The following RPH3A variants were observed in gnomAD, a reference collection of about 807,000 sequenced individuals.
The protein encoded by RPH3A is rabphilin-3A.
In RPH3A, 48 loss-of-function variants were observed where a neutral mutation model predicts 102.2. That is an observed-to-expected ratio of 0.47 (90% CI 0.37 to 0.60). The LOEUF is 0.60. Among genes scored for constraint, RPH3A ranks in the 20% least tolerant of loss-of-function variants. The probability of loss-of-function intolerance (pLI) is 0.00; values close to 1 mark genes in which losing one functional copy is unlikely to be tolerated. For missense variants in RPH3A, 781 were observed against 910.1 expected, an observed-to-expected ratio of 0.86 and a Z score of 1.83; for synonymous variants, 310 against 324.3, an observed-to-expected ratio of 0.96 and a Z score of 0.47.
intron 1 of RPH3A, among the ~76,000 whole-genome samples, chr12:112,674,807 C>T (rs985473141): frequency 1.3e-5 from 2 of 152,178 alleles, no homozygotes; most frequent in African/African-American, 2.4e-5. Flanking sequence ...GCAGGATAAT[C>T]CCTTATCTGA....
At chr12:112,823,243 C>T (rs1247970207) in intron 2 of RPH3A, among the ~76,000 whole-genome samples, 3 of 152,194 alleles carry the variant, frequency 2.0e-5, no homozygotes, top group East Asian at 1.9e-4. Flanking sequence ...GGGCAATGAA[C>T]GGGTGTGAAC....
intron 1 of RPH3A, among the ~76,000 whole-genome samples, chr12:112,678,331 AGG>A (rs2040201957): frequency 3.1e-5 from 3 of 96,802 alleles, no homozygotes; most frequent in African/African-American, 7.5e-5. Context: ...GAAAGAAAGA[AGG>A]AAGGAAGGAA....
At chr12:112,637,847 G>C (rs950774568) in intron 1 of RPH3A, among the ~76,000 whole-genome samples, 7 of 151,870 alleles carry the variant, frequency 4.6e-5, no homozygotes, top group Non-Finnish European at 1.0e-4. Flanking sequence ...AGCCCCACCT[G>C]GTTCTTTTAC....
chr12:112,789,928 G>T (rs2041079227), upstream of RPH3A, among the ~76,000 whole-genome samples: 1 of 151,254 alleles, frequency 6.6e-6, no homozygotes, highest in Admixed American at 6.6e-5. Context: ...GTATATTCGT[G>T]TGCACCTTGA....
chr12:112,691,975 G>A lies in RPH3A; in HGVS notation c.-139-100168G>A, dbSNP rs144932092. Among the ~76,000 whole-genome samples, 713 of 152,282 alleles carry A rather than the reference G, an allele frequency of 4.7e-3. 7 individuals are homozygous for A. The highest frequency in any genetic ancestry group is 0.016 in the African/African-American group (671 of 41,542). The stretch of plus-strand genomic sequence containing the variant: ...TTAAAAAATGTGTTATATATACACC[G>A]TGGAATACTACTCAGCCATAAAAAG... On this transcript the variant is annotated intron_variant, in intron 1 of 21. Transcript: ENST00000543106.
intron 1 of RPH3A, among the ~76,000 whole-genome samples, chr12:112,758,260 C>T (rs2136065001): frequency 6.6e-6 from 1 of 152,328 alleles, no homozygotes; most frequent in East Asian, 1.9e-4. Flanking sequence ...AGGCAACTGA[C>T]CAGCTCCATC....
At position 112,879,280 on chromosome 12, in the gene RPH3A, C is replaced by G. The variant is rs536154085; in HGVS notation, c.1251+82C>G. 6 of 1,150,924 alleles carry G rather than the reference C, an allele frequency of 5.2e-6. No individual in the cohort carries two copies. The East Asian group carries it at 1.5e-4, about 28-fold the overall frequency. 71.3% of individuals were successfully genotyped at this position (1,150,924 alleles called of 1,614,324 possible). A position where few individuals can be genotyped will look rare whatever the true frequency, so the allele number is the denominator to read the frequency against. ...ACTCAGATGGGGATGGATGACCAGGCCTGTCTCCTGTTGTTGCTTGTCTAT... is the reference window on the plus strand; with the variant it reads ...ACTCAGATGGGGATGGATGACCAGGGCTGTCTCCTGTTGTTGCTTGTCTAT... On this transcript the variant is annotated intron_variant, in intron 14 of 21. Transcript: ENST00000389385.
At chr12:112,708,901 G>A (rs1748120191) in intron 1 of RPH3A, among the ~76,000 whole-genome samples, 1 of 152,022 alleles carries the variant, frequency 6.6e-6, no homozygotes, top group Admixed American at 6.6e-5. Flanking sequence ...CTATAGATAG[G>A]AAAATAAATA....
At chr12:112,752,671 A>C (rs2040792865) in intron 1 of RPH3A, among the ~76,000 whole-genome samples, 1 of 151,806 alleles carries the variant, frequency 6.6e-6, no homozygotes, top group Non-Finnish European at 1.5e-5. Flanking sequence ...TCAAATCAAT[A>C]ACTAGAATGT....
At chr12:112,701,724 C>A (rs2136029387) in intron 1 of RPH3A, among the ~76,000 whole-genome samples, 1 of 152,246 alleles carries the variant, frequency 6.6e-6, no homozygotes, top group South Asian at 2.1e-4. Flanking sequence ...TGGTTCAAGG[C>A]CTTGAGACAA....
chr12:112,650,632 AC>A (rs1165797872), intron 1 of RPH3A: 1 of 151,956 alleles, frequency 6.6e-6, no homozygotes, highest in South Asian at 2.1e-4. Flanking sequence ...GAAAGTTTTG[AC>A]TTTTTTTCCC....
At chr12:112,612,900 G>A (rs1387271728) in intron 1 of RPH3A, among the ~76,000 whole-genome samples, 8 of 151,914 alleles carry the variant, frequency 5.3e-5, no homozygotes. Flanking sequence ...TAAACTCTAG[G>A]ATATCCAAGG....
chr12:112,760,345 A>G (rs2040847268), intron 1 of RPH3A, among the ~76,000 whole-genome samples: 1 of 152,318 alleles, frequency 6.6e-6, no homozygotes, highest in Non-Finnish European at 1.5e-5. Flanking sequence ...ATAGGGAGGG[A>G]CGAATATAGT....
intron 1 of RPH3A, among the ~76,000 whole-genome samples, chr12:112,685,632 T>A (rs1394442484): frequency 9.2e-5 from 14 of 152,158 alleles, no homozygotes. Context: ...CCAGGACACA[T>A]CTAGGACATG....
intron 4 of RPH3A, 57 bp from the exon 5 acceptor site, chr12:112,847,639 A>T: frequency 6.4e-7 from 1 of 1,570,350 alleles, no homozygotes; most frequent in Non-Finnish European, 8.7e-7. Context: ...GTTTCCCGGC[A>T]GGAATTTGAA....
intron 1 of RPH3A, among the ~76,000 whole-genome samples, chr12:112,706,828 G>A (rs2040430309): frequency 1.3e-5 from 2 of 152,192 alleles, no homozygotes; most frequent in African/African-American, 4.8e-5. Context: ...TGACATTTGA[G>A]CAGAAACAGA....
At position 112,803,115 on chromosome 12, in the gene RPH3A, A is replaced by T. The variant is rs1372152332; in HGVS notation, c.-19+10852A>T. ...ATGGGAGCCTTTGTCCCAATTGGTT[A>T]CTATGGGGTGGTCATTTCTGGTTAA... is the stretch of plus-strand genomic sequence containing the variant. On this transcript the variant is annotated intron_variant, in intron 2 of 21. Transcript: ENST00000389385. 2.6e-5 allele frequency among the ~76,000 whole-genome samples: 4 copies of T among 152,136 alleles called. No homozygotes were observed. The East Asian group carries it at 5.8e-4, about 22-fold the overall frequency.
At chr12:112,875,031 CTGTG>C (rs775440420) in intron 10 of RPH3A, 49 bp from the exon 11 acceptor site, 30 of 1,391,052 alleles carry the variant, frequency 2.2e-5, no homozygotes, top group Non-Finnish European at 2.5e-5. Context: ...CTCCTTCCTG[CTGTG>C]TGTGTGTGTG....
intron 1 of RPH3A, among the ~76,000 whole-genome samples, chr12:112,675,609 T>C (rs1366602491): frequency 6.6e-6 from 1 of 152,184 alleles, no homozygotes; most frequent in East Asian, 1.9e-4. Flanking sequence ...ATTTTTGCTT[T>C]GCTTTATTAC....
Sources: allele counts gnomAD v4.1 joint callset (sites outside exome capture counted in the v4.1 genomes callset), GRCh38; gene constraint gnomAD v4.1.1; transcripts MANE v1.5; gene names NCBI Gene and HGNC (gene_info 2026-07-23, HGNC 2026-07-21).